The following CYTH1 variants were observed in gnomAD, a reference collection of about 807,000 sequenced individuals.
CYTH1 encodes cytohesin 1.
In CYTH1, 18 loss-of-function variants were observed where a neutral mutation model predicts 61.8. That is an observed-to-expected ratio of 0.29 (90% CI 0.20 to 0.43). The LOEUF (loss-of-function observed/expected upper bound fraction) is 0.43, where lower values mean the gene tolerates loss of function less well. CYTH1 is among the 20% of genes least tolerant of loss of function. The pLI is 1.00. For missense variants in CYTH1, 336 were observed against 510.5 expected (o/e 0.66, Z 3.29); for synonymous variants, 174 against 184.3 (o/e 0.94, Z 0.45).
chr17:78,762,115 A>C (rs1367749498), intron 1 of CYTH1, among the ~76,000 whole-genome samples: 1 of 152,240 alleles, frequency 6.6e-6, no homozygotes, highest in African/African-American at 2.4e-5. Flanking sequence ...ATCAAGGTCC[A>C]TTGTTCAGGG....
intron 1 of CYTH1, among the ~76,000 whole-genome samples, chr17:78,721,309 G>A (rs1449879927): frequency 6.6e-6 from 1 of 152,060 alleles, no homozygotes; most frequent in Non-Finnish European, 1.5e-5. Context: ...CAGCTCGGGC[G>A]ACAGAGCAAG....
intron 11 of CYTH1, chr17:78,691,960 C>T (rs948533582): frequency 1.3e-5 from 2 of 156,464 alleles, no homozygotes; most frequent in Admixed American, 6.5e-5. Context: ...TTTTCCCCCA[C>T]TATATATTTT....
chr17:78,676,152 T>G lies in CYTH1; in HGVS notation c.1136A>C (p.Asp379Ala). 6.2e-7 allele frequency: 1 copy of G among 1,609,642 alleles called. No homozygotes were observed. Among genetic ancestry groups the G allele is most frequent in the Non-Finnish European group, 8.5e-7 (1 of 1,178,300 alleles). ...TGCTGCGAGCATTTCGTAGAAAGGG[T>G]CCCTGCTGATGGCTGCTCTGGAGCA... ...IKCIKAAISR[D>A]PFYEMLAARK... The change falls in exon 14 of 14, where the codon GAC becomes GCC. Residue 379 changes from aspartate to alanine, a missense_variant. Around this residue, in one of 4 missense-constraint regions of CYTH1, gnomAD observed 83 missense variants for 115.6 expected, o/e 0.72. Transcript: ENST00000446868.
chr17:78,727,347 T>G (rs531266032), intron 1 of CYTH1, among the ~76,000 whole-genome samples: 18 of 152,270 alleles, frequency 1.2e-4, no homozygotes, highest in Admixed American at 1.2e-3. Flanking sequence ...TCTATTCCAC[T>G]CCTTACACTT....
intron 3 of CYTH1, among the ~76,000 whole-genome samples, chr17:78,705,974 T>C (rs906750281): frequency 3.9e-5 from 6 of 152,196 alleles, no homozygotes; most frequent in African/African-American, 1.4e-4. Context: ...CACCGGAATA[T>C]ACAGAAAGGA....
chr17:78,747,158 A>AG (rs1426383291), intron 1 of CYTH1, among the ~76,000 whole-genome samples: 4 of 150,604 alleles, frequency 2.7e-5, no homozygotes, highest in Non-Finnish European at 5.9e-5. Context: ...AAAAAAAAAA[A>AG]AAAAAAAAAA....
chr17:78,680,173 T>A lies in CYTH1; in HGVS notation c.1118+17A>T, dbSNP rs781494277. ...GCTGCACCAGGCGCGCACTGCCCTT[T>A]CTCAGCAGTCACTTACTTAATGCAC... On this transcript the variant is annotated intron_variant, in intron 13 of 13. Transcript: ENST00000446868. 1.2e-6 allele frequency: 2 copies of A among 1,613,968 alleles called. No homozygotes were observed. The highest frequency in any genetic ancestry group is 3.3e-5 in the Admixed American group (2 of 60,002).
Position 78,731,169 on chromosome 17 carries a change from C to G in CYTH1, c.23-21437G>C, listed in dbSNP as rs183999777. 3.9e-5 allele frequency among the ~76,000 whole-genome samples: 6 copies of G among 152,272 alleles called. No individual in the cohort carries two copies. The East Asian group carries it at 1.2e-3, about 29-fold the overall frequency. On this transcript the variant is annotated intron_variant, in intron 1 of 13. Coordinates refer to ENST00000446868, the MANE Select transcript of CYTH1 (RefSeq NM_004762.6). ...ATGAAGGCAGGAGATCAGCATAACTCAACAGTGGCTGTTGAAACTTAAAAT... is the reference window on the plus strand; with the variant it reads ...ATGAAGGCAGGAGATCAGCATAACTGAACAGTGGCTGTTGAAACTTAAAAT...
chr17:78,680,174 C>T lies in CYTH1; in HGVS notation c.1118+16G>A, dbSNP rs748673444. On this transcript the variant is annotated intron_variant, in intron 13 of 13. Transcript: ENST00000446868. ...CTGCACCAGGCGCGCACTGCCCTTT[C>T]TCAGCAGTCACTTACTTAATGCACT... 2.5e-6 allele frequency: 4 copies of T among 1,613,932 alleles called. No individual in the cohort carries two copies. The South Asian group carries it at 3.3e-5, about 13-fold the overall frequency.
Position 78,760,403 on chromosome 17 carries a change from A to G in CYTH1, c.22+21799T>C, listed in dbSNP as rs865815825. Among the ~76,000 whole-genome samples the G allele has an allele frequency of 2.9e-4, 19 of 64,918 alleles. 2 individuals are homozygous for G. The highest frequency in any genetic ancestry group is 9.4e-4 in the African/African-American group (17 of 18,066). 42.6% of individuals were successfully genotyped at this position (64,918 alleles called of 152,430 possible). On this transcript the variant is annotated intron_variant, in intron 1 of 13. Transcript: ENST00000446868. Reference sequence around the variant, plus strand: ...TATATATACACACACATACATATATATATGTGTATATATATATATATACAC... The same window carrying G: ...TATATATACACACACATACATATATGTATGTGTATATATATATATATACAC...
chr17:78,689,381 C>A (rs1238243014), intron 11 of CYTH1, among the ~76,000 whole-genome samples: 1 of 152,226 alleles, frequency 6.6e-6, no homozygotes, highest in Non-Finnish European at 1.5e-5. Context: ...AGCTCCACCT[C>A]AGATCATCAG....
intron 9 of CYTH1, 77 bp from the exon 10 acceptor site, chr17:78,696,086 A>G: frequency 7.3e-7 from 1 of 1,363,494 alleles, no homozygotes; most frequent in Middle Eastern, 2.1e-4. Context: ...AATTAAAACA[A>G]AGAAATTAAA....
chr17:78,730,131 G>A (rs943663579), intron 1 of CYTH1, among the ~76,000 whole-genome samples: 9 of 152,134 alleles, frequency 5.9e-5, no homozygotes, highest in Middle Eastern at 3.4e-3. Flanking sequence ...CTGTGATTTC[G>A]TATGTGGTCT....
At chr17:78,776,909 T>C (rs1315741016) in intron 1 of CYTH1, among the ~76,000 whole-genome samples, 1 of 148,966 alleles carries the variant, frequency 6.7e-6, no homozygotes, top group Non-Finnish European at 1.5e-5. Context: ...GGGGATCACC[T>C]GAGGTCGGGA....
chr17:78,764,535 G>A (rs1453585051), intron 1 of CYTH1, among the ~76,000 whole-genome samples: 1 of 152,108 alleles, frequency 6.6e-6, no homozygotes, highest in African/African-American at 2.4e-5. Context: ...TTCCCAGCAA[G>A]TCAACAGTGA....
chr17:78,741,182 C>A (rs1428560748), intron 1 of CYTH1, among the ~76,000 whole-genome samples: 1 of 152,070 alleles, frequency 6.6e-6, no homozygotes, highest in African/African-American at 2.4e-5. Flanking sequence ...TAGATTTTAG[C>A]CTCACCCCCT....
At chr17:78,682,452 T>G (rs1228161506) in intron 11 of CYTH1, among the ~76,000 whole-genome samples, 1 of 152,192 alleles carries the variant, frequency 6.6e-6, no homozygotes, top group African/African-American at 2.4e-5. Flanking sequence ...GTAAACTGCT[T>G]CATCCTTAAC....
chr17:78,709,801 C>G, intron 1 of CYTH1, 69 bp from the exon 2 acceptor site: 1 of 1,401,068 alleles, frequency 7.1e-7, no homozygotes, highest in Non-Finnish European at 1.0e-6. Flanking sequence ...GATCCAGAGG[C>G]CACAAAAGGA....
chr17:78,728,320 TG>T (rs2144580496), intron 1 of CYTH1, among the ~76,000 whole-genome samples: 1 of 152,220 alleles, frequency 6.6e-6, no homozygotes, highest in Non-Finnish European at 1.5e-5. Flanking sequence ...CCGAGGTGGG[TG>T]GATCACTTGA....
Sources: gnomAD v4.1 joint callset for allele counts (sites outside exome capture counted in the v4.1 genomes callset) on GRCh38, gnomAD v4.1.1 for gene constraint, gnomAD v4.1.1 regional missense constraint, MANE v1.5 for transcripts, NCBI Gene and HGNC (gene_info 2026-07-23, HGNC 2026-07-21) for gene names.